ARMH3: variants seen among roughly 807,000 people sequenced by gnomAD.
ARMH3 encodes armadillo like helical domain containing 3, also known as armadillo-like helical domain-containing protein 3.
In ARMH3, 60 loss-of-function variants were observed where a neutral mutation model predicts 99.1. The observed-to-expected ratio is 0.61, with a 90% CI of 0.49 to 0.75. The LOEUF (loss-of-function observed/expected upper bound fraction) is 0.75. Ranked by LOEUF, ARMH3 falls within the 30% of genes least tolerant of loss-of-function variation. The pLI, the probability that ARMH3 is intolerant of heterozygous loss-of-function variation, is 0.00. For missense variants in ARMH3, 679 were observed against 843.1 expected (o/e 0.81, Z 2.41); for synonymous variants, 285 against 292.8 (o/e 0.97, Z 0.27).
intron 24 of ARMH3, among the ~76,000 whole-genome samples, chr10:101,860,637 C>G (rs2066845007): frequency 6.6e-6 from 1 of 152,154 alleles, no homozygotes. Flanking sequence ...TATGTTGGGT[C>G]TGACTCAACT....
At chr10:102,009,878 T>C in intron 12 of ARMH3, 99 bp downstream of exon 12, 1 of 1,158,494 alleles carries the variant, frequency 8.6e-7, no homozygotes, top group Non-Finnish European at 1.3e-6. Context: ...AGTATGATTC[T>C]GTAAAAGATT....
At chr10:101,953,770 T>C (rs774786994) in intron 22 of ARMH3, among the ~76,000 whole-genome samples, 3 of 152,102 alleles carry the variant, frequency 2.0e-5, no homozygotes, top group Non-Finnish European at 2.9e-5. Context: ...CTTTCATGCA[T>C]TGCTGGAGAG....
chr10:101,910,575 C>T (rs764289607), intron 23 of ARMH3, among the ~76,000 whole-genome samples: 4 of 151,668 alleles, frequency 2.6e-5, no homozygotes, highest in Non-Finnish European at 4.4e-5. Flanking sequence ...ACTAAAAACC[C>T]AAAAATTAGC....
chr10:102,000,586 C>G (rs945752791), intron 15 of ARMH3, among the ~76,000 whole-genome samples: 3 of 114,228 alleles, frequency 2.6e-5, no homozygotes, highest in Non-Finnish European at 5.7e-5. Context: ...TGGCGAAACC[C>G]CGTATCTACA....
Position 101,946,071 on chromosome 10 carries a change from C to CAAAAAAAAAAAAA in ARMH3, c.1706-6146_1706-6134dup, listed in dbSNP as rs569179050. Reference sequence around the variant, plus strand: ...TGGGCGACAGAGTAAGACTCTGCCTCAAAAAAAAAAAAAAAAAAAAAAAAA... The same window carrying CAAAAAAAAAAAAA: ...TGGGCGACAGAGTAAGACTCTGCCTCAAAAAAAAAAAAAAAAAAAAAAAAAAAAAAAAAAAAAA... On this transcript the variant is annotated intron_variant, in intron 22 of 25. Coordinates refer to ENST00000370033, the MANE Select transcript of ARMH3 (RefSeq NM_024541.3). Among the ~76,000 whole-genome samples the CAAAAAAAAAAAAA allele has an allele frequency of 2.0e-4, 7 of 34,486 alleles. 1 individual carries two copies. The highest frequency in any genetic ancestry group is 9.6e-4 in the African/African-American group (4 of 4,174). The allele number at this position is 34,486 out of a possible 152,430, so 22.6% of individuals were successfully genotyped here. A position where few individuals can be genotyped will look rare whatever the true frequency, so the allele number is the denominator to read the frequency against.
At chr10:101,931,770 A>G (rs1843734290) in intron 23 of ARMH3, among the ~76,000 whole-genome samples, 1 of 152,212 alleles carries the variant, frequency 6.6e-6, no homozygotes, top group Non-Finnish European at 1.5e-5. Context: ...AAAAAGGATC[A>G]AGGACCTAAA....
chr10:101,867,230 T>C (rs1277920517), intron 24 of ARMH3, among the ~76,000 whole-genome samples: 2 of 152,200 alleles, frequency 1.3e-5, no homozygotes, highest in African/African-American at 2.4e-5. Context: ...TTTTACTGGA[T>C]TGGTTCCATT....
chr10:102,033,764 T>G (rs933277489), intron 2 of ARMH3, among the ~76,000 whole-genome samples: 2 of 152,208 alleles, frequency 1.3e-5, no homozygotes, highest in African/African-American at 4.8e-5. Context: ...CATTCTAAAC[T>G]GCTAGAAGGG....
At chr10:101,996,581 C>T (rs1427553272) in intron 15 of ARMH3, among the ~76,000 whole-genome samples, 3 of 152,168 alleles carry the variant, frequency 2.0e-5, no homozygotes, top group Non-Finnish European at 4.4e-5. Context: ...CCACCTTTAG[C>T]CAGTTTCTAT....
intron 15 of ARMH3, among the ~76,000 whole-genome samples, chr10:101,999,015 G>C (rs558941908): frequency 2.1e-4 from 32 of 152,210 alleles, no homozygotes; most frequent in African/African-American, 7.7e-4. Flanking sequence ...TCCTAAAAAG[G>C]ATTTAAAGAT....
intron 4 of ARMH3, among the ~76,000 whole-genome samples, chr10:102,030,447 G>T (rs372684832): frequency 9.2e-5 from 14 of 152,166 alleles, no homozygotes; most frequent in African/African-American, 3.4e-4. Context: ...AGTGGCTCAA[G>T]CCTGTAATCC....
At chr10:102,014,320 C>G (rs1170838234) in intron 8 of ARMH3, among the ~76,000 whole-genome samples, 1 of 152,222 alleles carries the variant, frequency 6.6e-6, no homozygotes, top group African/African-American at 2.4e-5. Context: ...ATCTTTCCCT[C>G]TTACTTGCAT....
intron 23 of ARMH3, among the ~76,000 whole-genome samples, chr10:101,938,508 G>C (rs1264744615): frequency 6.6e-6 from 1 of 152,210 alleles, no homozygotes; most frequent in African/African-American, 2.4e-5. Context: ...ACAGGCCCCA[G>C]ATGAAAAGGA....
Position 102,011,701 on chromosome 10 carries a change from A to G in ARMH3, c.831+22T>C, listed in dbSNP as rs747102353. The stretch of plus-strand genomic sequence containing the variant: ...ACACTGTTTCTGTTTTTTTCAGGAG[A>G]AAAAAAAAAAGCAGGACTTACCATA... On this transcript the variant is annotated intron_variant, in intron 11 of 25. Transcript: ENST00000370033. The G allele has an allele frequency of 1.9e-5, 16 of 856,160 alleles. No homozygotes were observed. The East Asian group carries it at 6.8e-4, about 36-fold the overall frequency. 53.0% of individuals were successfully genotyped at this position (856,160 alleles called of 1,614,324 possible).
At chr10:101,931,242 G>A (rs10883695) in intron 23 of ARMH3, among the ~76,000 whole-genome samples, 31,468 of 152,206 alleles carry the variant, frequency 0.21, 4,007 homozygotes, top group Non-Finnish European at 0.29. Context: ...GAAAAGCAGT[G>A]GGGGCCGGGT....
intron 22 of ARMH3, among the ~76,000 whole-genome samples, chr10:101,953,384 C>A (rs923795720): frequency 1.1e-4 from 16 of 152,060 alleles, no homozygotes; most frequent in Non-Finnish European, 4.4e-5. Flanking sequence ...CTTTGGCCAC[C>A]CAAAGTGCTG....
chr10:101,889,528 G>C, intron 23 of ARMH3, 38 bp from the exon 24 acceptor site: 1 of 1,532,016 alleles, frequency 6.5e-7, no homozygotes, highest in Non-Finnish European at 9.0e-7. Flanking sequence ...GTGCCAGATA[G>C]AAGAGGTGGA....
At chr10:102,009,328 T>G in intron 13 of ARMH3, 46 bp downstream of exon 13, 59 of 1,527,920 alleles carry the variant, frequency 3.9e-5, no homozygotes, top group Non-Finnish European at 5.0e-5. Context: ...TTAATCGGTA[T>G]GAAATTTAGA....
At chr10:101,872,727 G>A (rs1475116529) in intron 24 of ARMH3, among the ~76,000 whole-genome samples, 1 of 152,056 alleles carries the variant, frequency 6.6e-6, no homozygotes, top group Non-Finnish European at 1.5e-5. Context: ...GGTAGCCAAG[G>A]CAGGTGGATC....
Sources: gnomAD v4.1 joint callset for allele counts (sites outside exome capture counted in the v4.1 genomes callset) on GRCh38, gnomAD v4.1.1 for gene constraint, MANE v1.5 for transcripts, NCBI Gene and HGNC (gene_info 2026-07-23, HGNC 2026-07-21) for gene names.